The following CASP10 variants were observed in gnomAD, a reference collection of about 807,000 sequenced individuals.
CASP10 encodes the protein caspase-10.
Under a neutral mutation model 48.5 loss-of-function variants are expected in CASP10, and 41 were observed. The ratio of observed to expected loss-of-function variants is 0.85; its 90% confidence interval spans 0.66 to 1.10. CASP10 has a LOEUF of 1.10. Among genes scored for constraint, CASP10 ranks in the 50% least tolerant of loss-of-function variants. The probability of loss-of-function intolerance (pLI) is 0.00; values close to 1 mark genes in which losing one functional copy is unlikely to be tolerated. For synonymous variants in CASP10, 232 were observed against 238.4 expected (o/e 0.97, Z 0.25); for missense variants, 614 against 614.5 (o/e 1.00, Z 0.01).
Position 201,219,602 on chromosome 2 carries a change from C to G in CASP10, c.*1861C>G, listed in dbSNP as rs547151138. 1.0e-6 allele frequency: 1 copy of G among 985,144 alleles called. No individual in the cohort carries two copies. The highest frequency in any genetic ancestry group is 1.1e-4 in the East Asian group (1 of 8,812). The allele number at this position is 985,144 out of a possible 1,614,324, so 61.0% of individuals were successfully genotyped here. ...AAGCTGTTCTCAGGATCACTGGGCT[C>G]TTCTTGGCAGAGGGGATGTCTGGCT... On this transcript the variant is annotated 3_prime_UTR_variant, in exon 10 of 10. Transcript: ENST00000286186.
Position 201,218,565 on chromosome 2 carries a change from G to T in CASP10, c.*824G>T. 1 of 979,320 alleles carries T rather than the reference G, an allele frequency of 1.0e-6. No individual in the cohort carries two copies. The highest frequency in any genetic ancestry group is 1.2e-6 in the Non-Finnish European group (1 of 824,358). 60.7% of individuals were successfully genotyped at this position (979,320 alleles called of 1,614,324 possible). On this transcript the variant is annotated 3_prime_UTR_variant, in exon 10 of 10. Coordinates refer to ENST00000286186, the MANE Select transcript of CASP10 (RefSeq NM_032977.4). The stretch of plus-strand genomic sequence containing the variant: ...GATCCTCCCACCTCAGCTTCTCAAA[G>T]TTCTGGGACTACAGGCATGAAATAC...
At chr2:201,211,412 T>C (rs556615903) in intron 9 of CASP10, among the ~76,000 whole-genome samples, 5 of 152,362 alleles carry the variant, frequency 3.3e-5, no homozygotes, top group African/African-American at 1.2e-4. Context: ...CTCTCATCTT[T>C]GTAATTGCTG....
chr2:201,200,625 G>C, intron 5 of CASP10: 1 of 1,458,914 alleles, frequency 6.9e-7, no homozygotes, highest in African/African-American at 1.4e-5. Context: ...TTCGGCAGGT[G>C]GAGGTATTTA....
intron 5 of CASP10, 44 bp from the exon 6 acceptor site, chr2:201,203,684 CTG>C (rs754341891): frequency 2.6e-6 from 4 of 1,553,518 alleles, no homozygotes; most frequent in South Asian, 2.2e-5. Context: ...CTCATCCTAA[CTG>C]TGTGAAATTC....
At chr2:201,194,830 GT>G (rs1214516936) in intron 4 of CASP10, among the ~76,000 whole-genome samples, 4 of 152,150 alleles carry the variant, frequency 2.6e-5, no homozygotes, top group Non-Finnish European at 2.9e-5. Flanking sequence ...CCAGGCTGCA[GT>G]GCAGTAGTGT....
Position 201,209,225 on chromosome 2 carries a change from A to C in CASP10, c.1078A>C (p.Arg360=). 6.2e-7 allele frequency: 1 copy of C among 1,613,964 alleles called. No individual in the cohort carries two copies. The highest frequency in any genetic ancestry group is 1.7e-4 in the Middle Eastern group (1 of 6,060). ...CGTGTTCTGTATTCTGACCCATGGG[A>C]GATTTGGAGCTGTCTACTCTTCGGA... is the stretch of plus-strand genomic sequence containing the variant. ...CFVFCILTHG[R]FGAVYSSDEA... is the part of the protein sequence containing the mutation. Residue 360 remains arginine, a synonymous_variant, in exon 9 of 10, where the codon AGA becomes CGA. Coordinates refer to ENST00000286186, the MANE Select transcript of CASP10 (RefSeq NM_032977.4).
intron 4 of CASP10, chr2:201,193,394 G>A (rs1027754461): frequency 1.9e-5 from 7 of 364,602 alleles, no homozygotes; most frequent in African/African-American, 8.5e-5. Context: ...TTTTAGTAGC[G>A]ACAGGGTTTC....
At chr2:201,209,707 TTATC>T (rs915174795) in intron 9 of CASP10, 145 bp downstream of exon 9, 3 of 764,968 alleles carry the variant, frequency 3.9e-6, no homozygotes, top group Non-Finnish European at 6.1e-6. Context: ...ACCCTCCTGT[TTATC>T]TATTTATCCA....
downstream of CASP10, among the ~76,000 whole-genome samples, chr2:201,222,243 GT>G (rs1945734853): frequency 7.9e-6 from 1 of 126,360 alleles, no homozygotes. Context: ...TTTTGACAAA[GT>G]CTCGCTCTCT....
intron 3 of CASP10, among the ~76,000 whole-genome samples, chr2:201,188,146 G>A (rs1174629127): frequency 6.6e-6 from 1 of 152,120 alleles, no homozygotes; most frequent in Non-Finnish European, 1.5e-5. Context: ...TTCAGTAAAT[G>A]CTCACTTCTG....
chr2:201,227,150 A>G (rs1250477498), intron 9 of CASP10, among the ~76,000 whole-genome samples: 2 of 152,148 alleles, frequency 1.3e-5, no homozygotes, highest in African/African-American at 2.4e-5. Context: ...CATGTTTTAT[A>G]TCTTCAACTG....
rs1232197598 is a variant in CASP10 at position 201,193,111 on chromosome 2, G to C, written c.569G>C (p.Arg190Thr). 2.5e-6 allele frequency: 4 copies of C among 1,613,506 alleles called. No homozygotes were observed. The highest frequency in any genetic ancestry group is 3.4e-6 in the Non-Finnish European group (4 of 1,179,704). Residue 190 changes from arginine (R) to threonine (T), a missense_variant, in exon 4 of 10, where the codon AGA (arginine) becomes ACA (threonine). Transcript: ENST00000286186. The part of the protein sequence containing the change: ...KLLRNIEKYK[R>T]EKAIQIVTPP... ...TTGAGAAACATAGAGAAATACAAAA[G>C]AGAGAAAGGTAAGTAGCTTGTGATT...
At chr2:201,195,806 T>C in intron 4 of CASP10, 36 bp from the exon 5 acceptor site, 1 of 1,514,600 alleles carries the variant, frequency 6.6e-7, no homozygotes, top group Non-Finnish European at 9.2e-7. Context: ...AGTCAGAAGG[T>C]GATTTTTATT....
chr2:201,221,970 C>T (rs1332194955), downstream of CASP10, among the ~76,000 whole-genome samples: 1 of 152,146 alleles, frequency 6.6e-6, no homozygotes, highest in Non-Finnish European at 1.5e-5. Flanking sequence ...AGAGTGTGCC[C>T]TCCAAGATTT....
downstream of CASP10, among the ~76,000 whole-genome samples, chr2:201,226,369 A>T (rs1945788173): frequency 6.6e-6 from 1 of 152,254 alleles, no homozygotes; most frequent in Non-Finnish European, 1.5e-5. Flanking sequence ...AGGAAATGTA[A>T]ATTGACACAA....
At position 201,219,387 on chromosome 2, in the gene CASP10, G is replaced by A. The variant is rs976412420; in HGVS notation, c.*1646G>A. The A allele has an allele frequency of 5.2e-6, 5 of 955,468 alleles. No individual in the cohort carries two copies. Among genetic ancestry groups the A allele is most frequent in the Non-Finnish European group, 6.2e-6 (5 of 802,736 alleles). The allele number at this position is 955,468 out of a possible 1,614,324, so 59.2% of individuals were successfully genotyped here. A position where few individuals can be genotyped will look rare whatever the true frequency, so the allele number is the denominator to read the frequency against. ...GCCTCTTTCACATTGAAACCCAGGA[G>A]TGGATAACACTGGCTTCAGGCAAAG... On this transcript the variant is annotated 3_prime_UTR_variant, in exon 10 of 10. Transcript: ENST00000286186.
intron 5 of CASP10, among the ~76,000 whole-genome samples, chr2:201,202,651 AG>A: frequency 6.6e-6 from 1 of 152,316 alleles, no homozygotes; most frequent in East Asian, 1.9e-4. Context: ...ATGAAAAGAA[AG>A]GCAGGAAGCC....
intron 5 of CASP10, among the ~76,000 whole-genome samples, chr2:201,202,317 C>T (rs570999267): frequency 6.6e-6 from 1 of 152,302 alleles, no homozygotes; most frequent in East Asian, 1.9e-4. Context: ...GGGACATTCA[C>T]TCATTCATTC....
rs1657316373 is a variant in CASP10 at position 201,218,481 on chromosome 2, T to G, written c.*740T>G. The G allele has an allele frequency of 4.3e-6, 3 of 694,484 alleles. No individual in the cohort carries two copies. Among genetic ancestry groups the G allele is most frequent in the Non-Finnish European group, 5.3e-6 (3 of 565,340 alleles). 43.0% of individuals were successfully genotyped at this position (694,484 alleles called of 1,614,324 possible). A position where few individuals can be genotyped will look rare whatever the true frequency, so the allele number is the denominator to read the frequency against. ...ATGCACAGCTAACTTTTTATTTTTT[T>G]TGTGGAGATGGGGTTTCACTATGTT... is the stretch of plus-strand genomic sequence containing the variant. On this transcript the variant is annotated 3_prime_UTR_variant, in exon 10 of 10. Transcript: ENST00000286186.
Sources: allele counts gnomAD v4.1 joint callset (sites outside exome capture counted in the v4.1 genomes callset), GRCh38; gene constraint gnomAD v4.1.1; transcripts MANE v1.5; gene names NCBI Gene and HGNC (gene_info 2026-07-23, HGNC 2026-07-21).